The following HPN variants were observed in gnomAD, a reference collection of about 807,000 sequenced individuals.
The protein encoded by HPN is serine protease hepsin.
In HPN, 13 loss-of-function variants were observed where a neutral mutation model predicts 55.9. That is an observed-to-expected ratio of 0.23 (90% CI 0.15 to 0.37). HPN has a LOEUF of 0.37. Ranked by LOEUF, HPN falls within the 10% of genes least tolerant of loss-of-function variation. HPN has a pLI of 1.00. For missense variants in HPN, 451 were observed against 575.8 expected, an observed-to-expected ratio of 0.78 and a Z score of 2.22; for synonymous variants, 225 against 240.3, an observed-to-expected ratio of 0.94 and a Z score of 0.59.
intron 9 of HPN, among the ~76,000 whole-genome samples, chr19:35,063,986 G>A (rs1424269353): frequency 1.3e-5 from 2 of 152,216 alleles, no homozygotes; most frequent in African/African-American, 2.4e-5. Flanking sequence ...GTTAGCAATT[G>A]CTACTATTGT....
intron 2 of HPN, among the ~76,000 whole-genome samples, chr19:35,047,751 T>C (rs1406222018): frequency 1.3e-5 from 2 of 151,608 alleles, no homozygotes; most frequent in East Asian, 3.9e-4. Context: ...TCCAACACTT[T>C]GTTTGGGAGG....
chr19:35,045,032 A>G (rs1356185042), intron 2 of HPN, among the ~76,000 whole-genome samples: 1 of 152,012 alleles, frequency 6.6e-6, no homozygotes, highest in East Asian at 1.9e-4. Context: ...CGGGAGGAAG[A>G]ATATACTTGG....
At chr19:35,054,678 A>G (rs1247431854) in intron 4 of HPN, among the ~76,000 whole-genome samples, 2 of 152,106 alleles carry the variant, frequency 1.3e-5, no homozygotes, top group African/African-American at 4.8e-5. Context: ...CTTCTCGTGC[A>G]TTTGGTGACG....
upstream of HPN, among the ~76,000 whole-genome samples, chr19:35,041,048 G>A (rs1047886826): frequency 2.0e-5 from 3 of 152,224 alleles, no homozygotes; most frequent in Admixed American, 6.5e-5. Flanking sequence ...GCGCCTGGCT[G>A]CTGGCGGGAC....
In HPN at chr19:35,041,845, G is replaced by A; in HGVS notation, c.-82G>A. On this transcript the variant is annotated 5_prime_UTR_variant, in exon 1 of 13. Transcript: ENST00000672452. ...GACCCGACCCCGGCACTACCTCGAG[G>A]CTCCGCCCCCACCTGCTGGACCCCA... 1.5e-6 allele frequency: 2 copies of A among 1,342,882 alleles called. No homozygotes were observed. The highest frequency in any genetic ancestry group is 9.8e-7 in the Non-Finnish European group (1 of 1,017,786). 83.2% of individuals were successfully genotyped at this position (1,342,882 alleles called of 1,614,324 possible).
At chr19:35,061,266 G>T (rs2064529078) in intron 9 of HPN, among the ~76,000 whole-genome samples, 1 of 152,320 alleles carries the variant, frequency 6.6e-6, no homozygotes, top group East Asian at 1.9e-4. Context: ...GGGAGGCCGA[G>T]GTGGGTGGAT....
At chr19:35,063,859 C>T (rs1020859735) in intron 9 of HPN, among the ~76,000 whole-genome samples, 4 of 152,138 alleles carry the variant, frequency 2.6e-5, no homozygotes, top group South Asian at 2.1e-4. Flanking sequence ...TTCACCTCAC[C>T]GTGCCTCAGT....
At chr19:35,056,541 C>G (rs2064457016) in intron 4 of HPN, among the ~76,000 whole-genome samples, 1 of 152,134 alleles carries the variant, frequency 6.6e-6, no homozygotes, top group Non-Finnish European at 1.5e-5. Context: ...CTGTTCTCAC[C>G]ACAAATTGCC....
chr19:35,050,910 C>CTTCT (rs1568357736), intron 4 of HPN, among the ~76,000 whole-genome samples: 9 of 116,762 alleles, frequency 7.7e-5, no homozygotes, highest in African/African-American at 2.9e-4. Flanking sequence ...TTCTTTCTTT[C>CTTCT]TTTCTTTTTT....
At chr19:35,047,446 A>G (rs932090374) in intron 2 of HPN, among the ~76,000 whole-genome samples, 9 of 152,218 alleles carry the variant, frequency 5.9e-5, no homozygotes, top group African/African-American at 2.4e-5. Context: ...GATCCCCTGC[A>G]GAAGCCCACC....
rs1044224390 is a variant in HPN at position 35,059,480 on chromosome 19, T to A, written c.161-193T>A. 80 of 751,212 alleles carry A rather than the reference T, an allele frequency of 1.1e-4. No individual in the cohort carries two copies. The African/African-American group carries it at 1.3e-3, about 12-fold the overall frequency. The allele number at this position is 751,212 out of a possible 1,614,324, so 46.5% of individuals were successfully genotyped here. A position where few individuals can be genotyped will look rare whatever the true frequency, so the allele number is the denominator to read the frequency against. ...CTGGGCAACAGAGCGAGACCCTGTC[T>A]TTAAAAAAAAAAAGTCCTTGAGTCA... On this transcript the variant is annotated intron_variant, in intron 4 of 12. Transcript: ENST00000672452.
chr19:35,040,782 CA>C (rs1204147212), upstream of HPN, among the ~76,000 whole-genome samples: 35 of 152,228 alleles, frequency 2.3e-4, no homozygotes, highest in Non-Finnish European at 2.9e-5. Context: ...GATGGAAAGG[CA>C]GAGGAAGCCA....
rs1217235312 is a variant in HPN at position 35,048,038 on chromosome 19, AAG to A, written c.17-1250_17-1249del. Among the ~76,000 whole-genome samples, 52 of 51,922 alleles carry A rather than the reference AAG, an allele frequency of 1.0e-3. 3 individuals carry two copies. In the East Asian group the frequency reaches 0.049, roughly 49 times the overall value. The allele number at this position is 51,922 out of a possible 152,430, so 34.1% of individuals were successfully genotyped here. A position where few individuals can be genotyped will look rare whatever the true frequency, so the allele number is the denominator to read the frequency against. ...AGAGAGAGAGAGAGAAAAAGAAAGAAAGAAAGAAAGAAAGAAAGAAAGAAAGA... is the reference window on the plus strand; with the variant it reads ...AGAGAGAGAGAGAGAAAAAGAAAGAAAAAGAAAGAAAGAAAGAAAGAAAGA... On this transcript the variant is annotated intron_variant, in intron 2 of 12. Transcript: ENST00000672452.
chr19:35,042,548 C>A (rs1359237429), intron 2 of HPN, 26 bp downstream of exon 2: 2 of 1,595,084 alleles, frequency 1.3e-6, no homozygotes, highest in Non-Finnish European at 8.6e-7. Flanking sequence ...TGAGCCCCAG[C>A]TTTGGCTCTG....
At chr19:35,050,431 AGCTCCATTTTACAGATGT>A (rs2064392083) in intron 4 of HPN, 1 of 1,127,312 alleles carries the variant, frequency 8.9e-7, no homozygotes. Context: ...CCTGGTAATT[AGCTCCATTTTACAGATGT>A]GCAAAATGAG....
intron 4 of HPN, 166 bp from the exon 5 acceptor site, chr19:35,059,507 G>A (rs2064498975): frequency 2.3e-6 from 2 of 859,810 alleles, no homozygotes; most frequent in Non-Finnish European, 3.8e-6. Flanking sequence ...CTTGAGTCAT[G>A]ATTCCAGATG....
At chr19:35,065,726 G>C in intron 11 of HPN, 45 bp downstream of exon 11, 1 of 1,611,814 alleles carries the variant, frequency 6.2e-7, no homozygotes, top group Non-Finnish European at 8.5e-7. Context: ...TGCCACCCCA[G>C]GGATGGAGAT....
chr19:35,061,891 C>A (rs1383455147), intron 9 of HPN, among the ~76,000 whole-genome samples: 1 of 151,972 alleles, frequency 6.6e-6, no homozygotes, highest in Non-Finnish European at 1.5e-5. Flanking sequence ...CATAGCAAGA[C>A]CCCATCACTT....
intron 9 of HPN, among the ~76,000 whole-genome samples, chr19:35,061,473 A>G (rs536863203): frequency 6.6e-6 from 1 of 152,320 alleles, no homozygotes; most frequent in African/African-American, 2.4e-5. Context: ...ACACGCCTGT[A>G]ATCCCAGCTA....
Sources: gnomAD v4.1 joint callset for allele counts (sites outside exome capture counted in the v4.1 genomes callset) on GRCh38, gnomAD v4.1.1 for gene constraint, MANE v1.5 for transcripts, NCBI Gene and HGNC (gene_info 2026-07-23, HGNC 2026-07-21) for gene names.